BMAL2: variants seen among roughly 807,000 people sequenced by gnomAD.
BMAL2 encodes the protein basic helix-loop-helix ARNT-like protein 2.
the BMAL2 span, chr12:27,401,137 T>C: frequency 5.1e-6 from 4 of 777,556 alleles, no homozygotes; most frequent in South Asian, 6.5e-5. Flanking sequence ...GTGATATGCA[T>C]GGGTCACTCA....
the BMAL2 span, among the ~76,000 whole-genome samples, chr12:27,351,446 G>A: frequency 6.6e-6 from 1 of 152,122 alleles, no homozygotes; most frequent in African/African-American, 2.4e-5. Flanking sequence ...TCCCTCCCAG[G>A]ATTAGCCAAT....
the BMAL2 span, among the ~76,000 whole-genome samples, chr12:27,404,095 G>A: frequency 6.6e-6 from 1 of 151,056 alleles, no homozygotes; most frequent in Non-Finnish European, 1.5e-5. Context: ...GGGGTGGAGG[G>A]AGAGGGGCTG....
the BMAL2 span, among the ~76,000 whole-genome samples, chr12:27,379,593 C>T: frequency 6.6e-6 from 1 of 152,046 alleles, no homozygotes; most frequent in Non-Finnish European, 1.5e-5. Context: ...TCAGCAGTGT[C>T]AGATTCAAGG....
At chr12:27,408,946 A>G in the BMAL2 span, among the ~76,000 whole-genome samples, 3 of 152,220 alleles carry the variant, frequency 2.0e-5, no homozygotes, top group African/African-American at 4.8e-5. Flanking sequence ...CTTATACAAC[A>G]ATAACAGACA....
the BMAL2 span, chr12:27,394,297 C>T: frequency 6.6e-6 from 1 of 152,278 alleles, no homozygotes; most frequent in Admixed American, 6.5e-5. Context: ...TTCCAGGAAA[C>T]CATCCCTGAT....
the BMAL2 span, among the ~76,000 whole-genome samples, chr12:27,367,861 T>A: frequency 6.6e-6 from 1 of 151,780 alleles, no homozygotes; most frequent in African/African-American, 2.4e-5. Flanking sequence ...CACATTTTTT[T>A]TGAGAGGGAG....
At chr12:27,406,714 A>G in the BMAL2 span, among the ~76,000 whole-genome samples, 5 of 152,234 alleles carry the variant, frequency 3.3e-5, no homozygotes, top group African/African-American at 9.6e-5. Context: ...CTAATATCAT[A>G]ATGACAGGAT....
At chr12:27,344,828 G>T in the BMAL2 span, among the ~76,000 whole-genome samples, 1 of 152,196 alleles carries the variant, frequency 6.6e-6, no homozygotes, top group Non-Finnish European at 1.5e-5. Context: ...GCTAAATGGG[G>T]ATAGTAAACA....
chr12:27,371,249 G>GA, the BMAL2 span, among the ~76,000 whole-genome samples: 1 of 152,226 alleles, frequency 6.6e-6, no homozygotes, highest in Non-Finnish European at 1.5e-5. Flanking sequence ...TTGGGAGGCA[G>GA]AGGCGGGAAG....
the BMAL2 span, among the ~76,000 whole-genome samples, chr12:27,369,775 T>C: frequency 6.6e-6 from 1 of 152,248 alleles, no homozygotes; most frequent in South Asian, 2.1e-4. Flanking sequence ...GACCTTGCAG[T>C]GGTTTGGGGG....
chr12:27,337,949 T>G, the BMAL2 span, among the ~76,000 whole-genome samples: 2 of 152,208 alleles, frequency 1.3e-5, no homozygotes, highest in African/African-American at 4.8e-5. Flanking sequence ...ATTTTCACAC[T>G]GTAGTTTTTT....
chr12:27,386,664 C>G, the BMAL2 span, among the ~76,000 whole-genome samples: 3 of 152,156 alleles, frequency 2.0e-5, no homozygotes, highest in Non-Finnish European at 4.4e-5. Context: ...AGGTCTGGCT[C>G]TGTTGCCTAG....
chr12:27,339,783 A>G, the BMAL2 span, among the ~76,000 whole-genome samples: 3 of 152,066 alleles, frequency 2.0e-5, no homozygotes, highest in Non-Finnish European at 2.9e-5. Flanking sequence ...CGCCGCCATA[A>G]TAGCCATTCT....
At chr12:27,370,040 G>A in the BMAL2 span, 3 of 912,880 alleles carry the variant, frequency 3.3e-6, no homozygotes, top group Non-Finnish European at 5.4e-6. Flanking sequence ...GCTGGACACA[G>A]TAGGCTACTT....
chr12:27,355,306 C>A, the BMAL2 span, among the ~76,000 whole-genome samples: 3 of 152,140 alleles, frequency 2.0e-5, no homozygotes, highest in African/African-American at 7.2e-5. Flanking sequence ...GTCCTCAATT[C>A]GCTGCAAACA....
At chr12:27,342,996 C>T in the BMAL2 span, among the ~76,000 whole-genome samples, 6,238 of 152,248 alleles carry the variant, frequency 0.041, 155 homozygotes, top group Non-Finnish European at 0.061. Context: ...ATGTTCAATT[C>T]GCACCTCAAA....
chr12:27,387,823 C>G, the BMAL2 span, among the ~76,000 whole-genome samples: 5 of 152,152 alleles, frequency 3.3e-5, no homozygotes, highest in African/African-American at 1.2e-4. Context: ...ACTAGCTACT[C>G]AAAAATTATA....
chr12:27,346,290 T>C, the BMAL2 span, among the ~76,000 whole-genome samples: 576 of 152,316 alleles, frequency 3.8e-3, 2 homozygotes, highest in African/African-American at 0.013. Flanking sequence ...AGGCGGAGTC[T>C]CACTCTGTCA....
chr12:27,420,019 G>GCGCGCGCACACACACACACACA, the BMAL2 span, among the ~76,000 whole-genome samples: 33 of 147,478 alleles, frequency 2.2e-4, no homozygotes, highest in African/African-American at 7.6e-4. Context: ...GTTTGCGCGT[G>GCGCGCGCACACACACACACACA]CACACACACA....
Sources: allele counts gnomAD v4.1 joint callset (sites outside exome capture counted in the v4.1 genomes callset), GRCh38; gene constraint gnomAD v4.1.1; transcripts MANE v1.5; gene names NCBI Gene and HGNC (gene_info 2026-07-23, HGNC 2026-07-21).